C6orf58: variants seen among roughly 807,000 people sequenced by gnomAD.
The protein encoded by C6orf58 is protein LEG1 homolog.
In C6orf58, 30 loss-of-function variants were observed where a neutral mutation model predicts 37.0. The ratio of observed to expected loss-of-function variants is 0.81; its 90% confidence interval spans 0.61 to 1.10. The LOEUF (loss-of-function observed/expected upper bound fraction) is 1.10, where lower values mean the gene tolerates loss of function less well. C6orf58 is among the 50% of genes least tolerant of loss of function. C6orf58 has a pLI of 0.00. For missense variants in C6orf58, 368 were observed against 387.5 expected (o/e 0.95, Z 0.42); for synonymous variants, 143 against 134.1 (o/e 1.07, Z -0.46).
At chr6:127,580,592 T>C (rs545218996) in intron 3 of C6orf58, 143 bp downstream of exon 3, 14 of 605,642 alleles carry the variant, frequency 2.3e-5, no homozygotes, top group African/African-American at 1.3e-4. Context: ...TAGTATATTG[T>C]AGAGTGTTAT....
At position 127,581,254 on chromosome 6, in the gene C6orf58, G is replaced by A; in HGVS notation, c.646G>A (p.Ala216Thr). 2 of 1,520,308 alleles carry A rather than the reference G, an allele frequency of 1.3e-6. No individual in the cohort carries two copies. The highest frequency in any genetic ancestry group is 2.7e-5 in the South Asian group (2 of 73,334). 94.2% of individuals were successfully genotyped at this position (1,520,308 alleles called of 1,614,324 possible). A position where few individuals can be genotyped will look rare whatever the true frequency, so the allele number is the denominator to read the frequency against. Reference protein sequence around the residue: ...YLWAAHTSTLADNIKSFEDRY... With the variant: ...YLWAAHTSTLTDNIKSFEDRY... ...ATGGGCTGCACACACTTCAACCTTGGCAGATAATATCAAAAGTTTTGAAGA... is the reference window on the plus strand; with the variant it reads ...ATGGGCTGCACACACTTCAACCTTGACAGATAATATCAAAAGTTTTGAAGA... The change falls in exon 4 of 6, where the codon GCA becomes ACA. Residue 216 changes from alanine to threonine, a missense_variant. By Grantham distance (58) the Ala-to-Thr change is moderately conservative. Coordinates refer to ENST00000329722, the MANE Select transcript of C6orf58 (RefSeq NM_001010905.3).
intron 4 of C6orf58, among the ~76,000 whole-genome samples, chr6:127,585,869 C>T (rs1194737686): frequency 6.6e-6 from 1 of 152,150 alleles, no homozygotes; most frequent in Non-Finnish European, 1.5e-5. Context: ...CCTCTCTTCT[C>T]ATTTTGGAAC....
rs778975580 is a variant in C6orf58, at chr6:127,577,426, G to A, written c.241G>A (p.Asp81Asn). The change falls in exon 1 of 6, where the codon GAT becomes AAT. Residue 81 changes from aspartate (D) to asparagine (N), a missense_variant. Coordinates refer to ENST00000329722, the MANE Select transcript of C6orf58 (RefSeq NM_001010905.3). ...CAGGTATTTTGCAAAATTTGCACCA[G>A]ATAATGAACAGAATATTTTATGGGG... Reference protein sequence around the residue: ...TARYFAKFAPDNEQNILWGLP... With the variant: ...TARYFAKFAPNNEQNILWGLP... 1 of 1,613,690 alleles carries A rather than the reference G, an allele frequency of 6.2e-7. No homozygotes were observed. Among genetic ancestry groups the A allele is most frequent in the East Asian group, 2.2e-5 (1 of 44,876 alleles).
chr6:127,582,955 G>GTTATGAGTCAGCA lies in C6orf58; in HGVS notation c.674+1690_674+1702dup, dbSNP rs1292794812. On this transcript the variant is annotated intron_variant, in intron 4 of 5. Transcript: ENST00000329722. The stretch of plus-strand genomic sequence containing the variant: ...GTCTCCTGTGTGAGATGCCTTGTGC[G>GTTATGAGTCAGCA]TTATGAGTCAGCATTATGAGTCAGC... Among the ~76,000 whole-genome samples, 4 of 152,160 alleles carry GTTATGAGTCAGCA rather than the reference G, an allele frequency of 2.6e-5. No homozygotes were observed. The East Asian group carries it at 7.7e-4, about 29-fold the overall frequency.
chr6:127,577,648 T>C (rs966134771), intron 1 of C6orf58, among the ~76,000 whole-genome samples, 162 bp downstream of exon 1: 3 of 152,146 alleles, frequency 2.0e-5, no homozygotes, highest in African/African-American at 7.2e-5. Context: ...TCCTTCTCCT[T>C]ATCCACAAAT....
Position 127,578,773 on chromosome 6 carries a change from G to T in C6orf58, c.388+1G>T, listed in dbSNP as rs373910619. On this transcript the variant is annotated splice_donor_variant, in intron 2 of 5. Coordinates refer to ENST00000329722, the MANE Select transcript of C6orf58 (RefSeq NM_001010905.3). LOFTEE classifies it high-confidence loss of function. ...ATCTCTGTGGACAGTTGGTGGGCTG[G>T]TATGTTCGTTTAAGTGGCAAAATAG... 3.7e-6 allele frequency: 6 copies of T among 1,609,054 alleles called. No homozygotes were observed. The African/African-American group carries it at 8.0e-5, about 22-fold the overall frequency.
intron 4 of C6orf58, among the ~76,000 whole-genome samples, chr6:127,585,661 C>T (rs1345384551): frequency 6.6e-6 from 1 of 152,142 alleles, no homozygotes; most frequent in Non-Finnish European, 1.5e-5. Context: ...CCAAGAAAAC[C>T]TTGGCTTAAC....
chr6:127,580,732 T>C (rs1775040999), intron 3 of C6orf58, among the ~76,000 whole-genome samples: 1 of 152,146 alleles, frequency 6.6e-6, no homozygotes, highest in African/African-American at 2.4e-5. Flanking sequence ...GCTATTCTGA[T>C]TAATTGAGTC....
At chr6:127,580,595 A>G (rs1466504435) in intron 3 of C6orf58, 146 bp downstream of exon 3, 5 of 578,228 alleles carry the variant, frequency 8.6e-6, no homozygotes, top group African/African-American at 1.9e-5. Context: ...TATATTGTAG[A>G]GTGTTATGAG....
chr6:127,578,827 C>G, intron 2 of C6orf58, 55 bp downstream of exon 2: 3 of 1,307,286 alleles, frequency 2.3e-6, no homozygotes, highest in Non-Finnish European at 3.3e-6. Flanking sequence ...AGAAAGCATT[C>G]AAACCTAAAA....
Position 127,580,329 on chromosome 6 carries a change from A to G in C6orf58, c.453A>G (p.Ile151Met). The G allele has an allele frequency of 6.2e-7, 1 of 1,613,092 alleles. No homozygotes were observed. The highest frequency in any genetic ancestry group is 8.5e-7 in the Non-Finnish European group (1 of 1,179,244). The change falls in exon 3 of 6, where the codon ATA becomes ATG. Residue 151 changes from isoleucine (I) to methionine (M), a missense_variant. By Grantham distance (10) the Ile-to-Met change is conservative. Coordinates refer to ENST00000329722, the MANE Select transcript of C6orf58 (RefSeq NM_001010905.3). Reference protein sequence around the residue: ...LAAVDSGVMGISSDQVRLLPP... With the variant: ...LAAVDSGVMGMSSDQVRLLPP... Reference sequence around the variant, plus strand: ...CGGTTGATTCTGGTGTAATGGGGATATCATCAGACCAAGTCAGGCTTTTGC... The same window carrying G: ...CGGTTGATTCTGGTGTAATGGGGATGTCATCAGACCAAGTCAGGCTTTTGC...
intron 2 of C6orf58, 51 bp downstream of exon 2, chr6:127,578,823 C>A (rs1562158945): frequency 1.5e-6 from 2 of 1,321,324 alleles, no homozygotes; most frequent in Non-Finnish European, 2.2e-6. Flanking sequence ...TGAAAGAAAG[C>A]ATTCAAACCT....
intron 4 of C6orf58, among the ~76,000 whole-genome samples, chr6:127,586,436 C>A (rs374748678): frequency 3.9e-5 from 6 of 152,334 alleles, no homozygotes; most frequent in African/African-American, 1.4e-4. Flanking sequence ...AGAGAGCAGG[C>A]TCCTCCCCTG....
chr6:127,590,355 A>G, intron 5 of C6orf58, 30 bp downstream of exon 5: 1 of 1,329,428 alleles, frequency 7.5e-7, no homozygotes, highest in South Asian at 1.2e-5. Context: ...ACTTTTAAAA[A>G]TCAGTATTAT....
chr6:127,578,946 A>G (rs1025403742), intron 2 of C6orf58, among the ~76,000 whole-genome samples, 174 bp downstream of exon 2: 10 of 152,108 alleles, frequency 6.6e-5, no homozygotes, highest in Non-Finnish European at 1.3e-4. Flanking sequence ...TTTAAGAGCC[A>G]CAATGTCAAT....
rs78854930 is a variant in C6orf58 at position 127,590,143 on chromosome 6, T to A, written c.731T>A (p.Val244Glu). 1 of 1,613,808 alleles carries A rather than the reference T, an allele frequency of 6.2e-7. No homozygotes were observed. Among genetic ancestry groups the A allele is most frequent in the African/African-American group, 1.3e-5 (1 of 75,062 alleles). ...AHFERSWVLA[V>E]DHLAAVLFPT... ...TTTGAGAGAAGTTGGGTACTGGCTG[T>A]GGATCATTTAGCTGCAGTCCTCTTT... is the stretch of plus-strand genomic sequence containing the variant. The change falls in exon 5 of 6, where the codon GTG becomes GAG. Residue 244 changes from valine (V) to glutamate (E), a missense_variant. By Grantham distance (121) the Val-to-Glu change is moderately radical. Transcript: ENST00000329722.
chr6:127,579,186 A>G (rs1775021897), intron 2 of C6orf58, among the ~76,000 whole-genome samples: 1 of 152,144 alleles, frequency 6.6e-6, no homozygotes, highest in Admixed American at 6.6e-5. Context: ...CATGCCAGAG[A>G]TTAATACCTA....
chr6:127,580,761 T>C (rs1325410302), intron 3 of C6orf58, among the ~76,000 whole-genome samples: 1 of 152,074 alleles, frequency 6.6e-6, no homozygotes, highest in African/African-American at 2.4e-5. Context: ...CACTAGGATA[T>C]TGGAAGAAAT....
intron 4 of C6orf58, 119 bp downstream of exon 4, chr6:127,581,401 A>G: frequency 2.5e-6 from 1 of 394,128 alleles, no homozygotes; most frequent in East Asian, 3.8e-5. Context: ...TAATAAGCCT[A>G]ACCATTGGAG....
Sources: allele counts gnomAD v4.1 joint callset (sites outside exome capture counted in the v4.1 genomes callset), GRCh38; gene constraint gnomAD v4.1.1; transcripts MANE v1.5; gene names NCBI Gene and HGNC (gene_info 2026-07-23, HGNC 2026-07-21).